THSD4: variants seen among roughly 807,000 people sequenced by gnomAD.
THSD4 encodes thrombospondin type 1 domain containing 4.
THSD4 carries 69 observed loss-of-function variants against 119.0 expected under a neutral mutation model. That is an observed-to-expected ratio of 0.58 (90% CI 0.48 to 0.71). The LOEUF (loss-of-function observed/expected upper bound fraction) is 0.71. THSD4 is among the 30% of genes least tolerant of loss of function. The pLI is 0.00. For synonymous variants in THSD4, 524 were observed against 540.4 expected (o/e 0.97, Z 0.42); for missense variants, 1,393 against 1,391.1 (o/e 1.00, Z -0.02).
chr15:71,274,788 G>C (rs2044571764), intron 6 of THSD4, among the ~76,000 whole-genome samples: 1 of 152,116 alleles, frequency 6.6e-6, no homozygotes, highest in Admixed American at 6.5e-5. Flanking sequence ...GGGTATTCTA[G>C]CAGGTGTAAA....
At chr15:71,220,038 C>A (rs2043963010) in intron 4 of THSD4, among the ~76,000 whole-genome samples, 1 of 152,128 alleles carries the variant, frequency 6.6e-6, no homozygotes, top group Non-Finnish European at 1.5e-5. Context: ...ATGTTCAGCT[C>A]CTTTAACCAG....
intron 7 of THSD4, among the ~76,000 whole-genome samples, chr15:71,529,099 G>T (rs917983431): frequency 6.6e-6 from 1 of 152,142 alleles, no homozygotes; most frequent in East Asian, 1.9e-4. Context: ...CTCTCCATCT[G>T]CCAGGTGGAT....
chr15:71,592,541 A>C (rs1044005254), intron 7 of THSD4, among the ~76,000 whole-genome samples: 1 of 152,076 alleles, frequency 6.6e-6, no homozygotes, highest in Non-Finnish European at 1.5e-5. Flanking sequence ...CTCCAGAAAA[A>C]CAACAGAATT....
intron 7 of THSD4, among the ~76,000 whole-genome samples, chr15:71,526,901 C>A (rs1408697014): frequency 6.6e-6 from 1 of 152,046 alleles, no homozygotes; most frequent in African/African-American, 2.4e-5. Context: ...TTTATGGTGC[C>A]ATAGCTAAGA....
intron 7 of THSD4, among the ~76,000 whole-genome samples, chr15:71,632,362 C>T (rs916312845): frequency 6.6e-6 from 1 of 152,216 alleles, no homozygotes; most frequent in Non-Finnish European, 1.5e-5. Context: ...CCTCCTTGAT[C>T]TGCCACCCAG....
intron 3 of THSD4, among the ~76,000 whole-genome samples, chr15:71,210,823 A>G (rs1009126965): frequency 2.0e-5 from 3 of 152,160 alleles, no homozygotes; most frequent in African/African-American, 7.2e-5. Flanking sequence ...ATCCTACCAG[A>G]TAAATTACAT....
chr15:71,437,610 T>C (rs2047029962), intron 7 of THSD4, among the ~76,000 whole-genome samples: 1 of 152,184 alleles, frequency 6.6e-6, no homozygotes, highest in South Asian at 2.1e-4. Flanking sequence ...GGTGCTTACT[T>C]CAGTCCAGCA....
Position 71,778,901 on chromosome 15 carries a change from A to T in THSD4, c.*1527A>T, listed in dbSNP as rs930785219. ...AGAGGAATATATGTATGTTTTACCC[A>T]TTAAGAAAAAATGGCAAGCTAAACA... On this transcript the variant is annotated 3_prime_UTR_variant, in exon 18 of 18. Coordinates refer to ENST00000261862, the MANE Select transcript of THSD4 (RefSeq NM_024817.3). 6.6e-6 allele frequency: 1 copy of T among 152,256 alleles called. No homozygotes were observed. The highest frequency in any genetic ancestry group is 2.4e-5 in the African/African-American group (1 of 41,472). 9.4% of individuals were successfully genotyped at this position (152,256 alleles called of 1,614,324 possible). A position where few individuals can be genotyped will look rare whatever the true frequency, so the allele number is the denominator to read the frequency against.
intron 6 of THSD4, among the ~76,000 whole-genome samples, chr15:71,382,890 T>C (rs756742814): frequency 5.9e-5 from 9 of 152,238 alleles, no homozygotes; most frequent in Non-Finnish European, 1.3e-4. Context: ...GCAATTAATG[T>C]TCCAGTATTT....
intron 7 of THSD4, among the ~76,000 whole-genome samples, chr15:71,609,464 G>A (rs990983992): frequency 1.3e-5 from 2 of 152,236 alleles, no homozygotes; most frequent in South Asian, 4.1e-4. Flanking sequence ...TTTAACTTGG[G>A]CTGTGGCCAG....
At chr15:71,426,052 G>A (rs1232545008) in intron 7 of THSD4, among the ~76,000 whole-genome samples, 1 of 152,258 alleles carries the variant, frequency 6.6e-6, no homozygotes, top group East Asian at 1.9e-4. Flanking sequence ...CTGGTGAAGG[G>A]AAAGAAGCCG....
chr15:71,248,243 T>C (rs2044223981), intron 5 of THSD4, among the ~76,000 whole-genome samples: 1 of 152,208 alleles, frequency 6.6e-6, no homozygotes, highest in Non-Finnish European at 1.5e-5. Flanking sequence ...ATCACACCAC[T>C]GCACTCCAGC....
chr15:71,604,823 AAAAAC>A (rs1194661966), intron 7 of THSD4, among the ~76,000 whole-genome samples: 5 of 121,206 alleles, frequency 4.1e-5, no homozygotes, highest in South Asian at 2.9e-4. Flanking sequence ...AAACAAAAAC[AAAAAC>A]AAAAAAAAAA....
intron 7 of THSD4, among the ~76,000 whole-genome samples, chr15:71,555,316 A>G (rs1310871906): frequency 3.3e-5 from 5 of 152,228 alleles, no homozygotes; most frequent in Non-Finnish European, 7.3e-5. Flanking sequence ...AGTATTAGGC[A>G]TTATCAGACA....
At chr15:71,131,336 C>T (rs536675232) in intron 1 of THSD4, among the ~76,000 whole-genome samples, 31 of 151,716 alleles carry the variant, frequency 2.0e-4, no homozygotes, top group East Asian at 1.2e-3. Context: ...GAAAAGCAAA[C>T]GAAAACAAGG....
chr15:71,585,420 A>C (rs969519317), intron 7 of THSD4, among the ~76,000 whole-genome samples: 8 of 152,164 alleles, frequency 5.3e-5, no homozygotes, highest in Admixed American at 3.3e-4. Flanking sequence ...CTCACCTGCA[A>C]GGTTTCTGCC....
intron 1 of THSD4, among the ~76,000 whole-genome samples, chr15:71,140,512 A>G (rs948635102): frequency 2.6e-5 from 4 of 152,144 alleles, no homozygotes; most frequent in Non-Finnish European, 5.9e-5. Context: ...CCCACCTCCA[A>G]TACTGGGAAT....
upstream of THSD4, among the ~76,000 whole-genome samples, chr15:71,112,922 T>A (rs2040317915): frequency 6.6e-6 from 1 of 152,246 alleles, no homozygotes; most frequent in Non-Finnish European, 1.5e-5. Flanking sequence ...CTCACGCCTG[T>A]AATCTCAGCA....
chr15:71,683,031 C>T (rs1487885169), intron 8 of THSD4, among the ~76,000 whole-genome samples: 1 of 150,060 alleles, frequency 6.7e-6, no homozygotes, highest in South Asian at 2.1e-4. Flanking sequence ...AAGAGATCCT[C>T]CTACCTCAGC....
Sources: allele counts gnomAD v4.1 joint callset (sites outside exome capture counted in the v4.1 genomes callset), GRCh38; gene constraint gnomAD v4.1.1; transcripts MANE v1.5; gene names NCBI Gene and HGNC (gene_info 2026-07-23, HGNC 2026-07-21).